Variants in SCAPER observed in about 807,000 individuals in gnomAD.
SCAPER encodes the protein S phase cyclin A-associated protein in the endoplasmic reticulum.
In SCAPER, 98 loss-of-function variants were observed where a neutral mutation model predicts 182.2. The ratio of observed to expected loss-of-function variants is 0.54; its 90% CI spans 0.46 to 0.64. The LOEUF is 0.64. Among genes scored for constraint, SCAPER ranks in the 30% least tolerant of loss-of-function variants. The probability of loss-of-function intolerance (pLI) is 0.00; values close to 1 mark genes in which losing one functional copy is unlikely to be tolerated. For synonymous variants in SCAPER, 605 were observed against 564.6 expected (o/e 1.07, Z -1.01); for missense variants, 1,432 against 1,690.0 (o/e 0.85, Z 2.68).
At chr15:76,457,143 A>G (rs1233480678) in intron 25 of SCAPER, among the ~76,000 whole-genome samples, 1 of 151,424 alleles carries the variant, frequency 6.6e-6, no homozygotes, top group East Asian at 1.9e-4. Flanking sequence ...GCTCGCCGCA[A>G]CCTCCGCCTC....
At chr15:76,863,173 G>A (rs2072013435) in intron 2 of SCAPER, among the ~76,000 whole-genome samples, 1 of 152,190 alleles carries the variant, frequency 6.6e-6, no homozygotes, top group South Asian at 2.1e-4. Context: ...CCAGCTGGGA[G>A]CCAGGTCCAG....
At chr15:76,752,098 G>A (rs757391226) in intron 15 of SCAPER, among the ~76,000 whole-genome samples, 3 of 149,694 alleles carry the variant, frequency 2.0e-5, no homozygotes, top group Non-Finnish European at 3.0e-5. Flanking sequence ...TCTCCAAGAG[G>A]ATATACAAAT....
At chr15:76,810,302 AT>A (rs2151570398) in intron 5 of SCAPER, among the ~76,000 whole-genome samples, 1 of 152,172 alleles carries the variant, frequency 6.6e-6, no homozygotes, top group Admixed American at 6.5e-5. Context: ...AATTTAAATT[AT>A]GTTAATGGGC....
chr15:76,680,232 C>A (rs1044285079), intron 20 of SCAPER, among the ~76,000 whole-genome samples: 71 of 151,514 alleles, frequency 4.7e-4, no homozygotes, highest in Middle Eastern at 3.4e-3. Flanking sequence ...AAATACTGAC[C>A]AAAAAAATGC....
chr15:76,720,557 T>C (rs1319446151), intron 17 of SCAPER, among the ~76,000 whole-genome samples: 1 of 152,110 alleles, frequency 6.6e-6, no homozygotes, highest in African/African-American at 2.4e-5. Flanking sequence ...AGTGTAAAAG[T>C]GTTCCTATTT....
chr15:76,801,858 A>G (rs2065819263), intron 6 of SCAPER, among the ~76,000 whole-genome samples: 1 of 151,768 alleles, frequency 6.6e-6, no homozygotes. Flanking sequence ...GCAGCGAGCC[A>G]AGATGGCACC....
chr15:76,396,974 AG>A (rs1412117670), intron 27 of SCAPER, among the ~76,000 whole-genome samples: 2 of 144,486 alleles, frequency 1.4e-5, no homozygotes, highest in Non-Finnish European at 3.0e-5. Flanking sequence ...TATTCTGTTG[AG>A]GTATGTTTCT....
intron 5 of SCAPER, among the ~76,000 whole-genome samples, chr15:76,839,240 T>C (rs2069231574): frequency 6.6e-6 from 1 of 152,224 alleles, no homozygotes; most frequent in Non-Finnish European, 1.5e-5. Context: ...GCATTTTACA[T>C]ATGAGACACA....
At chr15:76,533,040 A>G (rs2043814209) in intron 23 of SCAPER, among the ~76,000 whole-genome samples, 1 of 152,254 alleles carries the variant, frequency 6.6e-6, no homozygotes, top group African/African-American at 2.4e-5. Context: ...TAATTATATT[A>G]TGCAGCAGAA....
chr15:76,703,961 C>T (rs975808581), intron 18 of SCAPER, among the ~76,000 whole-genome samples: 1 of 152,014 alleles, frequency 6.6e-6, no homozygotes, highest in Admixed American at 6.6e-5. Flanking sequence ...GAGGAGCCAG[C>T]ATGTAAATAA....
At chr15:76,880,492 A>G (rs2073463148) in intron 2 of SCAPER, among the ~76,000 whole-genome samples, 1 of 152,230 alleles carries the variant, frequency 6.6e-6, no homozygotes, top group Non-Finnish European at 1.5e-5. Flanking sequence ...CTGCAAGTAC[A>G]GTGAATATAC....
intron 3 of SCAPER, among the ~76,000 whole-genome samples, chr15:76,861,032 A>G (rs2071821458): frequency 6.6e-6 from 1 of 152,146 alleles, no homozygotes; most frequent in Non-Finnish European, 1.5e-5. Context: ...ATAAATACAT[A>G]CATAAATACA....
chr15:76,693,827 G>A (rs1479029034), intron 20 of SCAPER, among the ~76,000 whole-genome samples: 2 of 152,070 alleles, frequency 1.3e-5, no homozygotes, highest in African/African-American at 4.8e-5. Context: ...AGGGTCTGGA[G>A]GGAGGAGGGA....
chr15:76,727,996 C>T (rs931025103), intron 17 of SCAPER, among the ~76,000 whole-genome samples: 1 of 152,046 alleles, frequency 6.6e-6, no homozygotes, highest in Admixed American at 6.6e-5. Context: ...CAAATTAAAA[C>T]CACAAAGAGC....
rs777549474 is a variant in SCAPER, at chr15:76,774,965, C to T, written c.925G>A (p.Glu309Lys). The T allele has an allele frequency of 6.2e-7, 1 of 1,613,794 alleles. No homozygotes were observed. Among genetic ancestry groups the T allele is most frequent in the Non-Finnish European group, 8.5e-7 (1 of 1,179,772 alleles). ...DKENVCLLPD[E>K]SIQKGQFVGD... The stretch of plus-strand genomic sequence containing the variant: ...ACAAATTGACCTTTCTGTATGCTTT[C>T]ATCAGGTAAAAGACATACATTTTCT... Residue 309 changes from glutamate to lysine, a missense_variant, in exon 9 of 32, where the codon GAA becomes AAA. This residue lies in a region of SCAPER where 480 missense variants were observed against 510.2 expected (regional missense o/e 0.94). Transcript: ENST00000563290.
intron 25 of SCAPER, among the ~76,000 whole-genome samples, chr15:76,446,025 G>T (rs981674453): frequency 1.6e-4 from 24 of 152,264 alleles, no homozygotes; most frequent in African/African-American, 5.8e-4. Flanking sequence ...AGTGATAATA[G>T]TAATAGCAGC....
chr15:76,552,588 C>T (rs2045871213), intron 23 of SCAPER, among the ~76,000 whole-genome samples: 1 of 152,080 alleles, frequency 6.6e-6, no homozygotes, highest in Admixed American at 6.5e-5. Flanking sequence ...TTTAGAATTC[C>T]TAGCTGCAGG....
chr15:76,595,020 G>A (rs1300501870), intron 22 of SCAPER, among the ~76,000 whole-genome samples: 1 of 121,274 alleles, frequency 8.2e-6, no homozygotes, highest in East Asian at 2.2e-4. Flanking sequence ...CTAATTAGAA[G>A]ACACAGACTG....
chr15:76,776,210 C>T (rs1568097805), intron 8 of SCAPER, among the ~76,000 whole-genome samples: 1 of 152,048 alleles, frequency 6.6e-6, no homozygotes, highest in Non-Finnish European at 1.5e-5. Flanking sequence ...TAGGCAAAGA[C>T]AAAATAGGCA....
Sources: gnomAD v4.1 joint callset for allele counts (sites outside exome capture counted in the v4.1 genomes callset) on GRCh38, gnomAD v4.1.1 for gene constraint, gnomAD v4.1.1 regional missense constraint, MANE v1.5 for transcripts, NCBI Gene and HGNC (gene_info 2026-07-23, HGNC 2026-07-21) for gene names.